Variants in SLIT3 observed in about 807,000 individuals in gnomAD.
SLIT3 encodes slit homolog 3 protein.
In SLIT3, 68 loss-of-function variants were observed where a neutral mutation model predicts 184.0. That is an observed-to-expected ratio of 0.37 (90% CI 0.30 to 0.45). SLIT3 has a LOEUF of 0.45. Ranked by LOEUF, SLIT3 falls within the 20% of genes least tolerant of loss-of-function variation. The probability of loss-of-function intolerance (pLI) is 1.00; values close to 1 mark genes in which losing one functional copy is unlikely to be tolerated. For missense variants in SLIT3, 1,707 were observed against 2,026.0 expected, an observed-to-expected ratio of 0.84 and a Z score of 3.02; for synonymous variants, 831 against 828.6, an observed-to-expected ratio of 1.00 and a Z score of -0.05.
intron 6 of SLIT3, among the ~76,000 whole-genome samples, chr5:168,840,835 A>G (rs977818974): frequency 6.6e-6 from 1 of 152,208 alleles, no homozygotes; most frequent in Non-Finnish European, 1.5e-5. Flanking sequence ...AGAGCCCCCA[A>G]ACTGTGGAGT....
intron 3 of SLIT3, among the ~76,000 whole-genome samples, chr5:169,234,837 G>A (rs564231442): frequency 3.7e-4 from 57 of 152,158 alleles, no homozygotes; most frequent in Non-Finnish European, 2.4e-4. Context: ...TATAAATGCT[G>A]TTGCTCACAT....
chr5:168,961,141 T>TA (rs1762992660), intron 4 of SLIT3, among the ~76,000 whole-genome samples: 1 of 152,142 alleles, frequency 6.6e-6, no homozygotes, highest in African/African-American at 2.4e-5. Context: ...CCTTCACTGC[T>TA]AAAATATCCA....
intron 5 of SLIT3, among the ~76,000 whole-genome samples, chr5:168,876,601 A>G (rs1759741436): frequency 6.6e-6 from 1 of 152,150 alleles, no homozygotes; most frequent in Middle Eastern, 3.2e-3. Context: ...TTTCCCCTAG[A>G]TGAACTCCTA....
intron 4 of SLIT3, among the ~76,000 whole-genome samples, chr5:169,061,424 C>T (rs1758169880): frequency 6.6e-6 from 1 of 152,214 alleles, no homozygotes; most frequent in Admixed American, 6.5e-5. Flanking sequence ...TCCCCTCAAT[C>T]AGCCATAACT....
chr5:169,162,450 A>G (rs1055332885), intron 4 of SLIT3, among the ~76,000 whole-genome samples: 2 of 152,142 alleles, frequency 1.3e-5, no homozygotes, highest in Non-Finnish European at 2.9e-5. Flanking sequence ...AGCTGCTCAG[A>G]CCTCTCAAGC....
At chr5:168,830,945 A>G (rs1757861247) in intron 6 of SLIT3, among the ~76,000 whole-genome samples, 1 of 152,156 alleles carries the variant, frequency 6.6e-6, no homozygotes, top group African/African-American at 2.4e-5. Context: ...GGCAGGGAAC[A>G]TGGTGTTGGC....
chr5:168,959,640 G>A (rs776341098), intron 4 of SLIT3, among the ~76,000 whole-genome samples: 3 of 152,148 alleles, frequency 2.0e-5, no homozygotes, highest in Non-Finnish European at 4.4e-5. Flanking sequence ...TGGGGGCCAG[G>A]AATCCATCCT....
intron 4 of SLIT3, among the ~76,000 whole-genome samples, chr5:169,123,950 G>C (rs1481777161): frequency 1.3e-5 from 2 of 152,168 alleles, no homozygotes; most frequent in South Asian, 2.1e-4. Flanking sequence ...ACCCAGGAAA[G>C]CTTCGCCAGA....
At chr5:169,129,495 T>C (rs878926427) in intron 4 of SLIT3, among the ~76,000 whole-genome samples, 4 of 152,030 alleles carry the variant, frequency 2.6e-5, no homozygotes, top group Admixed American at 2.6e-4. Flanking sequence ...GAGATTGCAG[T>C]GAGACGAGAT....
chr5:168,747,588 C>T (rs964558638), intron 20 of SLIT3, among the ~76,000 whole-genome samples: 2 of 152,190 alleles, frequency 1.3e-5, no homozygotes, highest in East Asian at 1.9e-4. Flanking sequence ...ACTGGGGGAC[C>T]GTGCCTTGTC....
At chr5:168,803,182 A>T (rs561565285) in intron 9 of SLIT3, among the ~76,000 whole-genome samples, 1 of 152,396 alleles carries the variant, frequency 6.6e-6, no homozygotes, top group South Asian at 2.1e-4. Flanking sequence ...CAATAATTAC[A>T]CATAGATAAC....
chr5:169,186,358 C>G (rs1457532855), intron 4 of SLIT3, among the ~76,000 whole-genome samples: 1 of 152,168 alleles, frequency 6.6e-6, no homozygotes, highest in Non-Finnish European at 1.5e-5. Context: ...AGGAGAGAGG[C>G]ACCAGGAGGA....
At chr5:169,141,420 TTTTG>T (rs148425369) in intron 4 of SLIT3, among the ~76,000 whole-genome samples, 26,706 of 150,606 alleles carry the variant, frequency 0.18, 2,331 homozygotes, top group South Asian at 0.28. Flanking sequence ...TTGTTGTTTG[TTTTG>T]TTTTTTTTTT....
intron 12 of SLIT3, among the ~76,000 whole-genome samples, chr5:168,774,793 T>C (rs1042278569): frequency 4.6e-5 from 7 of 152,228 alleles, no homozygotes; most frequent in African/African-American, 1.2e-4. Flanking sequence ...TTCAGAAAAT[T>C]CCTTACAGTT....
At chr5:169,089,053 A>AAAAAAAAAAAAAAAAG (rs1759459893) in intron 4 of SLIT3, among the ~76,000 whole-genome samples, 1 of 139,820 alleles carries the variant, frequency 7.2e-6, no homozygotes, top group Non-Finnish European at 1.6e-5. Flanking sequence ...AAAAAAAAAA[A>AAAAAAAAAAAAAAAAG]AAGAAGTGCT....
chr5:168,988,318 G>C (rs1284277534), intron 4 of SLIT3, among the ~76,000 whole-genome samples: 3 of 152,126 alleles, frequency 2.0e-5, no homozygotes, highest in Admixed American at 2.0e-4. Flanking sequence ...CATGGAAAAA[G>C]AAATTGTGGA....
Position 169,300,606 on chromosome 5 carries a change from G to A in SLIT3, c.104C>T (p.Pro35Leu), listed in dbSNP as rs1484346212. ...VLSGPPAVAC[P>L]TKCTCSAASV... is the part of the protein sequence containing the mutation. The stretch of plus-strand genomic sequence containing the variant: ...GGCAGCGGAGCAGGTACACTTGGTG[G>A]GGCAGGCGACGGCTGGAGGCCCACT... The change falls in exon 1 of 36, where the codon CCC becomes CTC. Residue 35 changes from proline to leucine, a missense_variant. By Grantham distance (98) the Pro-to-Leu change is moderately conservative (BLOSUM62 -3). Around this residue, in one of 3 missense-constraint regions of SLIT3, gnomAD observed 1,307 missense variants for 1,511.6 expected, o/e 0.86. Transcript: ENST00000519560. This position sits in a 1 kb window ranked among gnomAD's most constrained non-coding sequence, Gnocchi z 4.1. 4.6e-6 allele frequency: 7 copies of A among 1,507,126 alleles called. No homozygotes were observed. The highest frequency in any genetic ancestry group is 6.2e-6 in the Non-Finnish European group (7 of 1,132,622). 93.4% of individuals were successfully genotyped at this position (1,507,126 alleles called of 1,614,324 possible).
rs756767877 is a variant in SLIT3, at chr5:168,685,804, TG to T, written c.3437del (p.Pro1146HisfsTer75). 1 of 1,613,964 alleles carries T rather than the reference TG, an allele frequency of 6.2e-7. No individual in the cohort carries two copies. Among genetic ancestry groups the T allele is most frequent in the Admixed American group, 1.7e-5 (1 of 60,004 alleles). On this transcript the variant is annotated frameshift_variant, in exon 31 of 36. Transcript: ENST00000519560. LOFTEE classifies it high-confidence loss of function. ...VVQQEPTCRCPPGFAGPRCEK... is the reference protein window; with the variant it reads ...VVQQEPTCRCXPGFAGPRCEK... Reference sequence around the variant, plus strand: ...CGCATCTGGGGCCGGCGAAGCCTGGTGGGCAGCGGCAGGTGGGCTCCTGCTG... The same window carrying T: ...CGCATCTGGGGCCGGCGAAGCCTGGTGGCAGCGGCAGGTGGGCTCCTGCTG...
At chr5:169,070,797 CAAAAA>C (rs34764320) in intron 4 of SLIT3, among the ~76,000 whole-genome samples, 2 of 116,066 alleles carry the variant, frequency 1.7e-5, no homozygotes, top group African/African-American at 6.3e-5. Context: ...ACATTTTCCT[CAAAAA>C]AAAAAAAAAA....
Sources: allele counts gnomAD v4.1 joint callset (sites outside exome capture counted in the v4.1 genomes callset), GRCh38; gene constraint gnomAD v4.1.1; regional missense constraint gnomAD v4.1.1; non-coding constraint Gnocchi (gnomAD v3.1); transcripts MANE v1.5; gene names NCBI Gene and HGNC (gene_info 2026-07-23, HGNC 2026-07-21).